LRRC7: variants seen among roughly 807,000 people sequenced by gnomAD.
LRRC7 encodes leucine-rich repeat-containing protein 7.
A neutral mutation model predicts 175.7 loss-of-function variants in LRRC7; 23 were observed. The observed-to-expected ratio is 0.13, with a 90% CI of 0.09 to 0.19. The LOEUF is 0.19. LRRC7 is among the 10% of genes least tolerant of loss of function. The pLI is 1.00. For missense variants in LRRC7, 1,354 were observed against 1,904.7 expected, an observed-to-expected ratio of 0.71 and a Z score of 5.38; for synonymous variants, 685 against 680.9, an observed-to-expected ratio of 1.01 and a Z score of -0.09.
chr1:70,104,945 A>G (rs1225399387), intron 25 of LRRC7, among the ~76,000 whole-genome samples: 1 of 152,202 alleles, frequency 6.6e-6, no homozygotes, highest in Non-Finnish European at 1.5e-5. Context: ...AGTCATTTTG[A>G]CTGCTGAGAT....
rs1218441628 is a variant in LRRC7, at chr1:70,144,101, A to AATTT, written c.*22215_*22218dup. On this transcript the variant is annotated 3_prime_UTR_variant, in exon 27 of 27. Coordinates refer to ENST00000651989, the MANE Select transcript of LRRC7 (RefSeq NM_001370785.2). Reference sequence around the variant, plus strand: ...CCAGTGAAATTAATTACTGTCAGTTAATTTGCAAATGCAAGCTGTATTCTC... The same window carrying AATTT: ...CCAGTGAAATTAATTACTGTCAGTTAATTTATTTGCAAATGCAAGCTGTATTCTC... 2.6e-5 allele frequency: 4 copies of AATTT among 152,186 alleles called. No homozygotes were observed. The highest frequency in any genetic ancestry group is 6.5e-5 in the Admixed American group (1 of 15,282). 9.4% of individuals were successfully genotyped at this position (152,186 alleles called of 1,614,324 possible). A position where few individuals can be genotyped will look rare whatever the true frequency, so the allele number is the denominator to read the frequency against.
chr1:70,000,945 A>G (rs1332478638), intron 11 of LRRC7, among the ~76,000 whole-genome samples: 1 of 152,100 alleles, frequency 6.6e-6, no homozygotes, highest in Non-Finnish European at 1.5e-5. Context: ...TCCCTAAATG[A>G]CTTTCCACCA....
chr1:69,892,504 T>G (rs1336323185), intron 7 of LRRC7, among the ~76,000 whole-genome samples: 1 of 152,228 alleles, frequency 6.6e-6, no homozygotes, highest in Non-Finnish European at 1.5e-5. Context: ...TCTTTAAAAT[T>G]CCTTCTGGTA....
chr1:70,076,439 T>G lies in LRRC7; in HGVS notation c.4452+141T>G. 8 of 699,460 alleles carry G rather than the reference T, an allele frequency of 1.1e-5. No individual in the cohort carries two copies. The South Asian group carries it at 1.5e-4, about 13-fold the overall frequency. The allele number at this position is 699,460 out of a possible 1,614,324, so 43.3% of individuals were successfully genotyped here. A position where few individuals can be genotyped will look rare whatever the true frequency, so the allele number is the denominator to read the frequency against. On this transcript the variant is annotated intron_variant, in intron 24 of 26. Coordinates refer to ENST00000651989, the MANE Select transcript of LRRC7 (RefSeq NM_001370785.2). The stretch of plus-strand genomic sequence containing the variant: ...TGGGGTAGGGCCCTCTTTGTGGGGA[T>G]TTTATCATTCTTTCCAGTGGTTAAG...
intron 7 of LRRC7, among the ~76,000 whole-genome samples, chr1:69,839,440 T>C (rs959273222): frequency 5.3e-5 from 8 of 152,114 alleles, no homozygotes; most frequent in Non-Finnish European, 1.0e-4. Context: ...AGCTAAAGCA[T>C]TGGGTATGGG....
intron 25 of LRRC7, 92 bp from the exon 26 acceptor site, chr1:70,107,660 G>A (rs1665237034): frequency 2.2e-6 from 2 of 908,102 alleles, no homozygotes; most frequent in African/African-American, 1.6e-5. Flanking sequence ...TTCTGGATCT[G>A]TTTTCACTGT....
chr1:69,620,769 C>T (rs965605265), intron 1 of LRRC7, among the ~76,000 whole-genome samples: 1 of 152,088 alleles, frequency 6.6e-6, no homozygotes, highest in South Asian at 2.1e-4. Context: ...TGGATGTTTG[C>T]CTGTCTTGTA....
intron 4 of LRRC7, among the ~76,000 whole-genome samples, chr1:69,810,179 C>T (rs1042947865): frequency 2.6e-5 from 4 of 151,932 alleles, no homozygotes; most frequent in East Asian, 3.9e-4. Flanking sequence ...ACAATTGCTA[C>T]GAAGAGAATA....
chr1:69,860,029 A>G (rs895104499), intron 7 of LRRC7, among the ~76,000 whole-genome samples: 1 of 152,010 alleles, frequency 6.6e-6, no homozygotes, highest in Non-Finnish European at 1.5e-5. Flanking sequence ...TCCAAAATTC[A>G]CAAAATTTAA....
chr1:69,952,176 A>G (rs963651204), intron 8 of LRRC7, among the ~76,000 whole-genome samples: 2 of 152,072 alleles, frequency 1.3e-5, no homozygotes, highest in Admixed American at 1.3e-4. Context: ...AATTATTATC[A>G]CTGTTTCTGA....
At chr1:69,818,397 G>C (rs180793896) in intron 4 of LRRC7, among the ~76,000 whole-genome samples, 1 of 152,038 alleles carries the variant, frequency 6.6e-6, no homozygotes, top group East Asian at 1.9e-4. Context: ...TCATTCTCTT[G>C]ATGTGGTGTA....
rs1048659686 is a variant in LRRC7, at chr1:69,633,445, T to C, written c.3-44936T>C. 2.7e-5 allele frequency among the ~76,000 whole-genome samples: 4 copies of C among 149,590 alleles called. No individual in the cohort carries two copies. The South Asian group carries it at 8.6e-4, about 32-fold the overall frequency. On this transcript the variant is annotated intron_variant, in intron 1 of 26. Coordinates refer to ENST00000651989, the MANE Select transcript of LRRC7 (RefSeq NM_001370785.2). ...ATTTATTTATTTATTTATTTAATTT[T>C]TGAGACAAAATCTCCCTCTGTCACC...
chr1:69,708,963 T>A (rs985424290), intron 2 of LRRC7, among the ~76,000 whole-genome samples: 2 of 152,306 alleles, frequency 1.3e-5, no homozygotes, highest in Admixed American at 1.3e-4. Flanking sequence ...GTATATTCCT[T>A]CTATGAAAAT....
chr1:69,940,538 TA>T, intron 8 of LRRC7, among the ~76,000 whole-genome samples: 1 of 152,054 alleles, frequency 6.6e-6, no homozygotes, highest in Non-Finnish European at 1.5e-5. Flanking sequence ...ATGTGTAAAT[TA>T]ATTAAAAGCT....
intron 8 of LRRC7, among the ~76,000 whole-genome samples, chr1:69,970,459 A>G (rs1652122026): frequency 6.6e-6 from 1 of 152,182 alleles, no homozygotes; most frequent in Admixed American, 6.5e-5. Context: ...TACAACTGAC[A>G]TCACAGAAAT....
chr1:69,918,681 A>G (rs1646791390), intron 7 of LRRC7, among the ~76,000 whole-genome samples: 2 of 152,338 alleles, frequency 1.3e-5, no homozygotes, highest in African/African-American at 4.8e-5. Flanking sequence ...TTAAAGGTAC[A>G]AAACGTAGGG....
In LRRC7 at chr1:69,837,072, A is replaced by C. The variant is rs555561668; in HGVS notation, c.591-1155A>C. ...GTTCTATATGGACAGGAATAACAAT[A>C]GTGTGTCCTAGACTGCAAAACTTAA... On this transcript the variant is annotated intron_variant, in intron 6 of 26. Coordinates refer to ENST00000651989, the MANE Select transcript of LRRC7 (RefSeq NM_001370785.2). 2.6e-5 allele frequency among the ~76,000 whole-genome samples: 4 copies of C among 152,034 alleles called. No homozygotes were observed. In the South Asian group the frequency reaches 8.3e-4, roughly 32 times the overall value.
At chr1:70,033,536 A>G (rs1658992008) in intron 18 of LRRC7, among the ~76,000 whole-genome samples, 1 of 152,154 alleles carries the variant, frequency 6.6e-6, no homozygotes, top group African/African-American at 2.4e-5. Flanking sequence ...TCTTGTTTCA[A>G]TAATGTCCTT....
At chr1:69,887,715 T>A (rs1355231523) in intron 7 of LRRC7, among the ~76,000 whole-genome samples, 3 of 150,674 alleles carry the variant, frequency 2.0e-5, no homozygotes, top group Non-Finnish European at 3.0e-5. Context: ...AGTTTCCAGT[T>A]TTTCTGTTCT....
Sources: allele counts gnomAD v4.1 joint callset (sites outside exome capture counted in the v4.1 genomes callset), GRCh38; gene constraint gnomAD v4.1.1; transcripts MANE v1.5; gene names NCBI Gene and HGNC (gene_info 2026-07-23, HGNC 2026-07-21).